Variants in MDGA2 observed in about 807,000 individuals in gnomAD.
The protein encoded by MDGA2 is MAM domain containing glycosylphosphatidylinositol anchor 2, also known as MAM domain-containing glycosylphosphatidylinositol anchor protein 2.
In MDGA2, 40 loss-of-function variants were observed where a neutral mutation model predicts 117.8. The ratio of observed to expected loss-of-function variants is 0.34; its 90% CI spans 0.26 to 0.44. The LOEUF is 0.44. Among genes scored for constraint, MDGA2 ranks in the 20% least tolerant of loss-of-function variants. The pLI, the probability that MDGA2 is intolerant of heterozygous loss-of-function variation, is 1.00. For synonymous variants in MDGA2, 452 were observed against 439.0 expected (o/e 1.03, Z -0.37); for missense variants, 1,123 against 1,250.6 (o/e 0.90, Z 1.54).
chr14:47,049,844 C>T (rs1289510610), intron 7 of MDGA2, among the ~76,000 whole-genome samples: 3 of 151,846 alleles, frequency 2.0e-5, no homozygotes, highest in African/African-American at 7.3e-5. Flanking sequence ...GATTTCTTTA[C>T]CCATCATATA....
chr14:47,582,640 A>G (rs1566526191), intron 1 of MDGA2, among the ~76,000 whole-genome samples: 1 of 151,892 alleles, frequency 6.6e-6, no homozygotes, highest in East Asian at 1.9e-4. Context: ...CAAATCACAT[A>G]CAATCTTTTC....
chr14:46,845,913 T>C, intron 15 of MDGA2, 42 bp from the exon 16 acceptor site: 1 of 1,445,388 alleles, frequency 6.9e-7, no homozygotes, highest in South Asian at 1.2e-5. Context: ...GGAGCTTTGA[T>C]TTGCAGATCA....
At chr14:46,961,052 G>A (rs754727155) in intron 8 of MDGA2, among the ~76,000 whole-genome samples, 1 of 151,868 alleles carries the variant, frequency 6.6e-6, no homozygotes, top group Non-Finnish European at 1.5e-5. Flanking sequence ...ACTGTCTTCA[G>A]ATGGCCATTG....
At chr14:47,627,422 C>T (rs1350574256) in intron 1 of MDGA2, among the ~76,000 whole-genome samples, 3 of 152,114 alleles carry the variant, frequency 2.0e-5, no homozygotes, top group Non-Finnish European at 4.4e-5. Flanking sequence ...TGTGAATGCA[C>T]CAATCGGCAC....
At chr14:46,890,693 A>G (rs1437221652) in intron 10 of MDGA2, among the ~76,000 whole-genome samples, 3 of 152,094 alleles carry the variant, frequency 2.0e-5, no homozygotes, top group Non-Finnish European at 2.9e-5. Context: ...AGTCTCTGGT[A>G]AAGCTCACCA....
intron 10 of MDGA2, among the ~76,000 whole-genome samples, chr14:46,890,610 G>C (rs1385938859): frequency 6.6e-6 from 1 of 152,062 alleles, no homozygotes; most frequent in Non-Finnish European, 1.5e-5. Context: ...ATGCAGTTTA[G>C]CAAGTTTTCT....
chr14:47,643,584 C>G (rs1019117515), intron 1 of MDGA2, among the ~76,000 whole-genome samples: 36 of 152,174 alleles, frequency 2.4e-4, no homozygotes, highest in African/African-American at 8.4e-4. Flanking sequence ...CAGCCATTCT[C>G]AAGTAGGAAA....
At chr14:47,498,558 C>A (rs1894330339) in intron 1 of MDGA2, among the ~76,000 whole-genome samples, 1 of 152,080 alleles carries the variant, frequency 6.6e-6, no homozygotes, top group Non-Finnish European at 1.5e-5. Context: ...CAAGAGAAAT[C>A]ATACTTTTGA....
intron 1 of MDGA2, among the ~76,000 whole-genome samples, chr14:47,459,971 A>G (rs1476949643): frequency 6.6e-6 from 1 of 152,178 alleles, no homozygotes; most frequent in East Asian, 1.9e-4. Context: ...AAAGTATAAT[A>G]ATAAAAAAGA....
intron 1 of MDGA2, among the ~76,000 whole-genome samples, chr14:47,530,815 A>C (rs1895083327): frequency 6.6e-6 from 1 of 152,192 alleles, no homozygotes. Flanking sequence ...GCTACTTAGA[A>C]ACATGAATGA....
chr14:47,461,696 T>C (rs965979973), intron 1 of MDGA2, among the ~76,000 whole-genome samples: 1 of 151,230 alleles, frequency 6.6e-6, no homozygotes, highest in Non-Finnish European at 1.5e-5. Context: ...ACGAAAAAAA[T>C]AAAAACAAAA....
At chr14:47,504,958 C>T (rs1211175414) in intron 1 of MDGA2, among the ~76,000 whole-genome samples, 3 of 151,992 alleles carry the variant, frequency 2.0e-5, no homozygotes, top group Admixed American at 2.0e-4. Context: ...TGTCCACCAA[C>T]AAATTAATGG....
intron 6 of MDGA2, among the ~76,000 whole-genome samples, chr14:47,070,867 C>A (rs1160263299): frequency 6.6e-6 from 1 of 152,342 alleles, no homozygotes; most frequent in Admixed American, 6.5e-5. Flanking sequence ...CTCGGCCTTC[C>A]GAAGTGCTGG....
At chr14:47,104,606 C>T (rs1175257687) in intron 5 of MDGA2, among the ~76,000 whole-genome samples, 1 of 151,646 alleles carries the variant, frequency 6.6e-6, no homozygotes, top group Non-Finnish European at 1.5e-5. Flanking sequence ...CCTGCCTGCA[C>T]CCAGGTGAAA....
chr14:46,958,483 T>A (rs1885652948), intron 8 of MDGA2, among the ~76,000 whole-genome samples: 1 of 152,166 alleles, frequency 6.6e-6, no homozygotes, highest in South Asian at 2.1e-4. Context: ...ATTTTTTTCT[T>A]TGGAAAAACA....
At chr14:47,000,436 TACA>T (rs1887489080) in intron 8 of MDGA2, among the ~76,000 whole-genome samples, 15 of 141,696 alleles carry the variant, frequency 1.1e-4, no homozygotes, top group South Asian at 2.1e-4. Context: ...TAAATATATA[TACA>T]TATAAATATA....
chr14:46,963,032 T>G (rs1056890170), intron 8 of MDGA2, among the ~76,000 whole-genome samples: 1 of 152,116 alleles, frequency 6.6e-6, no homozygotes, highest in Admixed American at 6.5e-5. Flanking sequence ...AAAATATATA[T>G]TTTTTCTTTG....
Position 47,061,413 on chromosome 14 carries a change from C to T in MDGA2, c.1361G>A (p.Arg454Gln), listed in dbSNP as rs771715302. 3.1e-6 allele frequency: 5 copies of T among 1,613,576 alleles called. No individual in the cohort carries two copies. The highest frequency in any genetic ancestry group is 4.2e-6 in the Non-Finnish European group (5 of 1,179,650). The change falls in exon 7 of 17, where the codon CGG becomes CAG. Residue 454 changes from arginine to glutamine, a missense_variant. Arg to Gln is a conservative substitution (Grantham distance 43). This residue lies in a region of MDGA2 where 890 missense variants were observed against 1,050.3 expected (regional missense o/e 0.85). Transcript: ENST00000399232. Reference protein sequence around the residue: ...KNGRPLRSSERMVITQTDPDV... With the variant: ...KNGRPLRSSEQMVITQTDPDV... The stretch of plus-strand genomic sequence containing the variant: ...AGGATCAGTCTGTGTAATGACCATC[C>T]GCTCAGAACTTCTTAATGGACGACC...
At position 47,225,393 on chromosome 14, in the gene MDGA2, A is replaced by G. The variant is rs1255856634; in HGVS notation, c.421-7198T>C. On this transcript the variant is annotated intron_variant, in intron 2 of 16. Transcript: ENST00000399232. ...TTATTGCGGCACTATTCACAATAGC[A>G]AAGACTTGGAACCAACCCAAATGTC... Among the ~76,000 whole-genome samples the G allele has an allele frequency of 1.6e-4, 24 of 151,842 alleles. 1 individual carries two copies. Among genetic ancestry groups the G allele is most frequent in the Admixed American group, 1.2e-3 (18 of 15,250 alleles).
Sources: allele counts gnomAD v4.1 joint callset (sites outside exome capture counted in the v4.1 genomes callset), GRCh38; gene constraint gnomAD v4.1.1; regional missense constraint gnomAD v4.1.1; transcripts MANE v1.5; gene names NCBI Gene and HGNC (gene_info 2026-07-23, HGNC 2026-07-21).